Variants in KIAA0513 observed in about 807,000 individuals in gnomAD.
KIAA0513 encodes KIAA0513, also known as uncharacterized protein KIAA0513.
Under a neutral mutation model 56.5 loss-of-function variants are expected in KIAA0513, and 39 were observed. The observed-to-expected ratio is 0.69, with a 90% CI of 0.53 to 0.90. KIAA0513 has a LOEUF of 0.90. KIAA0513 is among the 40% of genes least tolerant of loss of function. The pLI is 0.00. For missense variants in KIAA0513, 591 were observed against 535.2 expected (o/e 1.10, Z -1.03); for synonymous variants, 268 against 215.6 (o/e 1.24, Z -2.13).
intron 1 of KIAA0513, among the ~76,000 whole-genome samples, chr16:85,048,862 C>T (rs57997696): frequency 6.6e-6 from 1 of 152,094 alleles, no homozygotes; most frequent in Non-Finnish European, 1.5e-5. Context: ...AACACAATAA[C>T]AATCTTCCGA....
intron 1 of KIAA0513, among the ~76,000 whole-genome samples, chr16:85,039,435 T>G (rs896048203): frequency 4.6e-5 from 7 of 152,226 alleles, no homozygotes; most frequent in Non-Finnish European, 8.8e-5. Flanking sequence ...CCTGAGTAAC[T>G]GGGACCATAG....
intron 11 of KIAA0513, 87 bp from the exon 12 acceptor site, chr16:85,086,984 TG>T: frequency 7.9e-7 from 1 of 1,265,212 alleles, no homozygotes; most frequent in East Asian, 2.3e-5. Context: ...AGGCAGGCCA[TG>T]GTGGGCGTCC....
intron 2 of KIAA0513, among the ~76,000 whole-genome samples, chr16:85,067,874 G>A (rs1448693236): frequency 1.3e-5 from 2 of 151,536 alleles, no homozygotes; most frequent in South Asian, 2.1e-4. Flanking sequence ...GCAGTGGTGC[G>A]ATCTCAGCTT....
At chr16:85,066,191 C>T (rs1242535373) in intron 1 of KIAA0513, among the ~76,000 whole-genome samples, 4 of 152,068 alleles carry the variant, frequency 2.6e-5, no homozygotes, top group Admixed American at 6.6e-5. Context: ...TCTCAGAAGA[C>T]GTGGCCGAGG....
chr16:85,061,008 C>A (rs1175531287), intron 1 of KIAA0513, among the ~76,000 whole-genome samples: 1 of 151,848 alleles, frequency 6.6e-6, no homozygotes, highest in Non-Finnish European at 1.5e-5. Flanking sequence ...ACAAAATTAG[C>A]CCAGCATGGT....
chr16:85,033,471 G>A (rs145967826), intron 1 of KIAA0513, among the ~76,000 whole-genome samples: 6 of 152,338 alleles, frequency 3.9e-5, no homozygotes, highest in East Asian at 1.9e-4. Flanking sequence ...TAAATGGCGC[G>A]GGTGAATACG....
At chr16:85,086,838 GTT>G in intron 11 of KIAA0513, 114 bp downstream of exon 11, 1 of 1,015,322 alleles carries the variant, frequency 9.8e-7, no homozygotes, top group African/African-American at 1.6e-5. Context: ...GAGGCATGGG[GTT>G]CATCACACTT....
intron 2 of KIAA0513, among the ~76,000 whole-genome samples, chr16:85,070,634 C>T (rs62049917): frequency 0.076 from 11,613 of 152,130 alleles, 1,450 homozygotes; most frequent in African/African-American, 0.26. Flanking sequence ...GCTGAGATTG[C>T]GCCACTGCAC....
intron 1 of KIAA0513, among the ~76,000 whole-genome samples, chr16:85,035,838 A>T (rs530591385): frequency 6.6e-6 from 1 of 152,164 alleles, no homozygotes; most frequent in African/African-American, 2.4e-5. Flanking sequence ...AAAATTAGCC[A>T]GGCTTGGTGG....
intron 1 of KIAA0513, among the ~76,000 whole-genome samples, chr16:85,031,201 C>A (rs1228509104): frequency 6.6e-6 from 1 of 152,140 alleles, no homozygotes; most frequent in African/African-American, 2.4e-5. Context: ...TTGGCCTTGG[C>A]TGGGTGTGGT....
Position 85,049,782 on chromosome 16 carries a change from C to T in KIAA0513, c.-172-17118C>T, listed in dbSNP as rs546146805. Among the ~76,000 whole-genome samples the T allele has an allele frequency of 5.9e-5, 9 of 152,282 alleles. No homozygotes were observed. The South Asian group carries it at 1.7e-3, about 28-fold the overall frequency. On this transcript the variant is annotated intron_variant, in intron 1 of 12. Transcript: ENST00000683363. ...TTATTCTTTATAAATTACCCAGTCT[C>T]GGGTATTTCGTTATAGCAGTGCAAG...
At chr16:85,053,152 G>C (rs764618833) in intron 1 of KIAA0513, among the ~76,000 whole-genome samples, 1 of 152,184 alleles carries the variant, frequency 6.6e-6, no homozygotes, top group Non-Finnish European at 1.5e-5. Flanking sequence ...GCCTCCCAAA[G>C]TGCTGGGATT....
At chr16:85,038,623 A>C (rs2073065208) in intron 1 of KIAA0513, among the ~76,000 whole-genome samples, 1 of 150,058 alleles carries the variant, frequency 6.7e-6, no homozygotes, top group African/African-American at 2.5e-5. Flanking sequence ...CAGGAGAATC[A>C]CTTGAACCTA....
At chr16:85,041,619 C>T (rs1396276384) in intron 1 of KIAA0513, among the ~76,000 whole-genome samples, 1 of 152,178 alleles carries the variant, frequency 6.6e-6, no homozygotes, top group Non-Finnish European at 1.5e-5. Flanking sequence ...CCTTTTGTCT[C>T]GCTACTCGGG....
intron 1 of KIAA0513, among the ~76,000 whole-genome samples, chr16:85,047,192 T>C (rs1288430736): frequency 6.6e-6 from 1 of 152,218 alleles, no homozygotes. Flanking sequence ...ATCTGTCCAC[T>C]ATGTAGCACT....
chr16:85,037,859 C>T (rs1250916176), intron 1 of KIAA0513, among the ~76,000 whole-genome samples: 1 of 152,314 alleles, frequency 6.6e-6, no homozygotes, highest in African/African-American at 2.4e-5. Context: ...AGGGAACCCT[C>T]CCAAGTGAGC....
chr16:85,085,590 C>T (rs907329458), intron 10 of KIAA0513, among the ~76,000 whole-genome samples: 25 of 152,216 alleles, frequency 1.6e-4, no homozygotes, highest in African/African-American at 2.4e-5. Context: ...GGTAGCTTCT[C>T]AGATGGACGT....
In KIAA0513 at chr16:85,067,310, C is replaced by A; in HGVS notation, c.239C>A (p.Ser80Tyr). 5 of 1,612,260 alleles carry A rather than the reference C, an allele frequency of 3.1e-6. No individual in the cohort carries two copies. Among genetic ancestry groups the A allele is most frequent in the Non-Finnish European group, 4.2e-6 (5 of 1,179,774 alleles). Reference protein sequence around the residue: ...RRSSSNESFSSNQSTESTQDE... With the variant: ...RRSSSNESFSYNQSTESTQDE... ...TCCTCCTCCAACGAGTCCTTCTCCT[C>A]CAACCAGAGCACCGAGTCTACCCAG... The change falls in exon 2 of 13, where the codon TCC (serine) becomes TAC (tyrosine). Residue 80 changes from serine (S) to tyrosine (Y), a missense_variant. By Grantham distance (144) the Ser-to-Tyr change is moderately radical. Transcript: ENST00000683363.
chr16:85,057,878 CT>C (rs1169591287), intron 1 of KIAA0513, among the ~76,000 whole-genome samples: 1 of 151,368 alleles, frequency 6.6e-6, no homozygotes, highest in African/African-American at 2.4e-5. Flanking sequence ...CCTGGTGTGT[CT>C]GCACACGGCT....
Sources: gnomAD v4.1 joint callset for allele counts (sites outside exome capture counted in the v4.1 genomes callset) on GRCh38, gnomAD v4.1.1 for gene constraint, MANE v1.5 for transcripts, NCBI Gene and HGNC (gene_info 2026-07-23, HGNC 2026-07-21) for gene names.